Variants in MBTPS2 observed in about 807,000 individuals in gnomAD.
MBTPS2 encodes membrane-bound transcription factor site-2 protease.
A neutral mutation model predicts 35.4 loss-of-function variants in MBTPS2; 2 were observed. That is an observed-to-expected ratio of 0.06 (90% CI 0.02 to 0.18). The LOEUF is 0.18. MBTPS2 is among the 10% of genes least tolerant of loss of function. The pLI, the probability that MBTPS2 is intolerant of heterozygous loss-of-function variation, is 1.00. For synonymous variants in MBTPS2, 125 were observed against 140.4 expected, an observed-to-expected ratio of 0.89 and a Z score of 0.77; for missense variants, 244 against 386.5, an observed-to-expected ratio of 0.63 and a Z score of 3.09.
intron 10 of MBTPS2, among the ~76,000 whole-genome samples, chrX:21,881,698 G>C (rs777397527): frequency 1.8e-5 from 2 of 111,489 alleles, no homozygotes; most frequent in East Asian, 5.6e-4. Flanking sequence ...CACTTTGGGA[G>C]GCCGAGGCAG....
At position 21,885,024 on chromosome X, in the gene MBTPS2, A is replaced by C; in HGVS notation, c.*2369A>C. 2 of 752,974 alleles carry C rather than the reference A, an allele frequency of 2.7e-6. No homozygotes were observed. Among genetic ancestry groups the C allele is most frequent in the Non-Finnish European group, 3.1e-6 (2 of 638,216 alleles). 62.1% of individuals were successfully genotyped at this position (752,974 alleles called of 1,213,427 possible). On this transcript the variant is annotated 3_prime_UTR_variant, in exon 11 of 11. Coordinates refer to ENST00000379484, the MANE Select transcript of MBTPS2 (RefSeq NM_015884.4). ...TGCGTTGTCACTTTGTTCAACAGTA[A>C]AACTTTATTCTCAGTGTTCCTACTC... is the stretch of plus-strand genomic sequence containing the variant.
At chrX:21,862,933 C>CATATATATATATATATATATGT (rs2092934156) in intron 5 of MBTPS2, among the ~76,000 whole-genome samples, 1 of 27,675 alleles carries the variant, frequency 3.6e-5, no homozygotes, top group Non-Finnish European at 8.7e-5. Context: ...TATATATAAA[C>CATATATATATATATATATATGT]ATATATATAT....
chrX:21,856,225 G>A, intron 5 of MBTPS2: 1 of 364,423 alleles, frequency 2.7e-6, no homozygotes, highest in Non-Finnish European at 4.7e-6. Flanking sequence ...CTAGGCGCAT[G>A]CGTCTGGCTA....
chrX:21,869,755 A>G, intron 7 of MBTPS2, 77 bp downstream of exon 7: 1 of 795,068 alleles, frequency 1.3e-6, no homozygotes, highest in Non-Finnish European at 1.9e-6. Flanking sequence ...AACCATGTCT[A>G]TACATTTATT....
rs2092956261 is a variant in MBTPS2, at chrX:21,879,140, A to G, written c.1261+448A>G. Among the ~76,000 whole-genome samples the G allele has an allele frequency of 3.6e-5, 4 of 112,238 alleles. No individual in the cohort carries two copies. In the South Asian group the frequency reaches 1.5e-3, roughly 41 times the overall value. On this transcript the variant is annotated intron_variant, in intron 9 of 10. Transcript: ENST00000379484. ...ACTGGGCCAGCATAATCATTTTAGC[A>G]GTGGCAGCATCATTGGACTAAGTTC...
chrX:21,849,345 A>T (rs2092912136), intron 3 of MBTPS2, among the ~76,000 whole-genome samples: 1 of 112,352 alleles, frequency 8.9e-6, no homozygotes, highest in African/African-American at 3.2e-5. Flanking sequence ...ACTTTAGGAG[A>T]AAACAAGTCA....
chrX:21,841,352 CAG>C lies in MBTPS2; in HGVS notation c.75+1546_75+1547del, dbSNP rs1463623642. On this transcript the variant is annotated intron_variant, in intron 1 of 10. Coordinates refer to ENST00000379484, the MANE Select transcript of MBTPS2 (RefSeq NM_015884.4). Reference sequence around the variant, plus strand: ...AGGAGGATCTCTTGAGTCTGAGAGTCAGAGGTTAACAATGAAACAAGATCGTG... The same window carrying C: ...AGGAGGATCTCTTGAGTCTGAGAGTCAGGTTAACAATGAAACAAGATCGTG... Among the ~76,000 whole-genome samples the C allele has an allele frequency of 7.6e-3, 606 of 79,776 alleles. 4 individuals carry two copies. Among genetic ancestry groups the C allele is most frequent in the African/African-American group, 0.029 (583 of 19,969 alleles). 69.3% of individuals were successfully genotyped at this position (79,776 alleles called of 115,157 possible).
chrX:21,839,887 C>A, intron 1 of MBTPS2, 78 bp downstream of exon 1: 1 of 985,634 alleles, frequency 1.0e-6, no homozygotes, highest in Non-Finnish European at 1.4e-6. Flanking sequence ...CTTCCCCTGC[C>A]TGGCGCCTCC....
intron 5 of MBTPS2, 107 bp from the exon 6 acceptor site, chrX:21,868,360 C>G: frequency 1.7e-6 from 1 of 581,177 alleles, no homozygotes; most frequent in Non-Finnish European, 3.1e-6. Flanking sequence ...ATTGCTTCTT[C>G]TGATCACTTT....
intron 5 of MBTPS2, chrX:21,857,495 C>T (rs1219461770): frequency 2.5e-6 from 3 of 1,212,009 alleles, no homozygotes; most frequent in South Asian, 1.8e-5. Flanking sequence ...TCCACACCGG[C>T]GATAAGCCCT....
At chrX:21,878,419 A>G in intron 8 of MBTPS2, 78 bp from the exon 9 acceptor site, 3 of 749,085 alleles carry the variant, frequency 4.0e-6, no homozygotes, top group Non-Finnish European at 6.2e-6. Context: ...GCTAGGTGAC[A>G]TGAAAAATAT....
Position 21,878,577 on chromosome X carries a change from T to C in MBTPS2, c.1146T>C (p.Ser382=). The C allele has an allele frequency of 8.3e-7, 1 of 1,206,502 alleles. No homozygotes were observed. ...ATAAAGACTGTAAAAAAAGCTCAAG[T>C]TCAAGTTTCTGTATAATACCTTCTT... ...RTNKDCKKSS[S]SSFCIIPSLE... Residue 382 remains serine, a synonymous_variant, in exon 9 of 11, where the codon AGT becomes AGC. Coordinates refer to ENST00000379484, the MANE Select transcript of MBTPS2 (RefSeq NM_015884.4).
chrX:21,875,878 G>A (rs1454470688), intron 7 of MBTPS2, among the ~76,000 whole-genome samples: 4 of 112,200 alleles, frequency 3.6e-5, no homozygotes, highest in African/African-American at 1.3e-4. Context: ...CTTTTAGGAC[G>A]TCAAGATGGA....
Position 21,885,102 on chromosome X carries a change from A to G in MBTPS2, c.*2447A>G. 2 of 749,657 alleles carry G rather than the reference A, an allele frequency of 2.7e-6. No homozygotes were observed. The highest frequency in any genetic ancestry group is 3.1e-6 in the Non-Finnish European group (2 of 635,058). 61.8% of individuals were successfully genotyped at this position (749,657 alleles called of 1,213,427 possible). On this transcript the variant is annotated 3_prime_UTR_variant, in exon 11 of 11. Transcript: ENST00000379484. ...TTTTAATCACCTACAATCTGTAAAGAATGTATATATTCTTTTCAGCATCTC... is the reference window on the plus strand; with the variant it reads ...TTTTAATCACCTACAATCTGTAAAGGATGTATATATTCTTTTCAGCATCTC...
At chrX:21,846,792 T>G (rs776862994) in intron 3 of MBTPS2, among the ~76,000 whole-genome samples, 1 of 111,935 alleles carries the variant, frequency 8.9e-6, no homozygotes, top group African/African-American at 3.2e-5. Flanking sequence ...GAGAACAGGA[T>G]AGTGCAGGAT....
chrX:21,869,791 CAGTAA>C (rs1343810350), intron 7 of MBTPS2, 113 bp downstream of exon 7: 6 of 610,805 alleles, frequency 9.8e-6, no homozygotes, highest in Non-Finnish European at 1.6e-5. Context: ...TAAAGCAAAT[CAGTAA>C]AGTAAATAGA....
At chrX:21,865,013 G>A (rs1195155311) in intron 5 of MBTPS2, among the ~76,000 whole-genome samples, 1 of 104,946 alleles carries the variant, frequency 9.5e-6, no homozygotes, top group Non-Finnish European at 1.9e-5. Context: ...CTCCCAAGTC[G>A]CTGGCACCAC....
intron 5 of MBTPS2, among the ~76,000 whole-genome samples, chrX:21,864,997 C>T (rs1177466048): frequency 1.9e-5 from 2 of 105,315 alleles, no homozygotes; most frequent in Non-Finnish European, 3.9e-5. Flanking sequence ...CATCCCACTT[C>T]TCAGTCTCCC....
At position 21,885,294 on chromosome X, in the gene MBTPS2, G is replaced by C. The variant is rs1602156797; in HGVS notation, c.*2639G>C. 1.3e-6 allele frequency: 1 copy of C among 752,000 alleles called. No individual in the cohort carries two copies. 62.0% of individuals were successfully genotyped at this position (752,000 alleles called of 1,213,427 possible). On this transcript the variant is annotated 3_prime_UTR_variant, in exon 11 of 11. Coordinates refer to ENST00000379484, the MANE Select transcript of MBTPS2 (RefSeq NM_015884.4). The stretch of plus-strand genomic sequence containing the variant: ...AATGTTCACATACTAATGGTGCACA[G>C]GTGTTTTTTTCTATAAATCTTCTGA...
Sources: gnomAD v4.1 joint callset for allele counts (sites outside exome capture counted in the v4.1 genomes callset) on GRCh38, gnomAD v4.1.1 for gene constraint, MANE v1.5 for transcripts, NCBI Gene and HGNC (gene_info 2026-07-23, HGNC 2026-07-21) for gene names.